Variants in MYO15A observed in about 807,000 individuals in gnomAD.
MYO15A encodes unconventional myosin-XV.
A neutral mutation model predicts 394.6 loss-of-function variants in MYO15A; 308 were observed. The observed-to-expected ratio is 0.78, with a 90% CI of 0.71 to 0.86. The LOEUF (loss-of-function observed/expected upper bound fraction) is 0.86. Ranked by LOEUF, MYO15A falls within the 40% of genes least tolerant of loss-of-function variation. The probability of loss-of-function intolerance (pLI) is 0.00; values close to 1 mark genes in which losing one functional copy is unlikely to be tolerated. For synonymous variants in MYO15A, 1,957 were observed against 2,003.8 expected (o/e 0.98, Z 0.62); for missense variants, 4,606 against 4,799.1 (o/e 0.96, Z 1.19).
At chr17:18,133,486 A>G (rs2046207047) in intron 12 of MYO15A, 100 bp downstream of exon 12, 2 of 1,444,542 alleles carry the variant, frequency 1.4e-6, no homozygotes. Flanking sequence ...CACTATGCAC[A>G]TATCACTTGT....
At chr17:18,124,759 C>T in intron 3 of MYO15A, 194 bp downstream of exon 3, 1 of 618,164 alleles carries the variant, frequency 1.6e-6, no homozygotes, top group South Asian at 2.0e-5. Flanking sequence ...CTAGCCCCAC[C>T]ACTCACCAGC....
In MYO15A at chr17:18,126,431, G is replaced by C; in HGVS notation, c.3841G>C (p.Gly1281Arg). The change falls in exon 5 of 66, where the codon GGA (glycine) becomes CGA (arginine). Residue 1281 changes from glycine to arginine, a missense_variant. Around this residue, in one of 2 missense-constraint regions of MYO15A, gnomAD observed 2,776 missense variants for 3,109.3 expected, o/e 0.89. Coordinates refer to ENST00000647165, the MANE Select transcript of MYO15A (RefSeq NM_016239.4). Reference protein sequence around the residue: ...YGPEQVQQYNGRALGENPPHL... With the variant: ...YGPEQVQQYNRRALGENPPHL... ...GCCGGAGCAGGTGCAGCAGTACAACGGACGGGCCCTGGGAGAGAATCCCCC... is the reference window on the plus strand; with the variant it reads ...GCCGGAGCAGGTGCAGCAGTACAACCGACGGGCCCTGGGAGAGAATCCCCC... The C allele has an allele frequency of 1.2e-6, 2 of 1,613,958 alleles. No individual in the cohort carries two copies. The highest frequency in any genetic ancestry group is 2.2e-5 in the South Asian group (2 of 91,074).
At chr17:18,157,974 T>C (rs2046709653) in intron 51 of MYO15A, 74 bp downstream of exon 51, 2 of 1,432,012 alleles carry the variant, frequency 1.4e-6, no homozygotes, top group Admixed American at 2.8e-5. Context: ...GTGAGGCGAG[T>C]GGGGATAAGG....
intron 13 of MYO15A, among the ~76,000 whole-genome samples, 172 bp downstream of exon 13, chr17:18,135,996 TCA>T (rs1196444861): frequency 6.6e-6 from 1 of 152,198 alleles, no homozygotes; most frequent in African/African-American, 2.4e-5. Flanking sequence ...GATTCCAGTC[TCA>T]GACTGTTGCA....
intron 23 of MYO15A, 37 bp downstream of exon 23, chr17:18,141,807 A>G (rs988510261): frequency 6.3e-7 from 1 of 1,598,280 alleles, no homozygotes; most frequent in African/African-American, 1.3e-5. Flanking sequence ...TGGAGACCCC[A>G]AGTTTGGGGG....
intron 24 of MYO15A, 117 bp from the exon 25 acceptor site, chr17:18,142,639 C>G: frequency 2.3e-6 from 2 of 883,970 alleles, no homozygotes; most frequent in Non-Finnish European, 3.7e-6. Flanking sequence ...CCAAAGGACC[C>G]CAAAAGTGAG....
In MYO15A at chr17:18,121,922, C is replaced by T. The variant is rs200587502; in HGVS notation, c.3122C>T (p.Pro1041Leu). The T allele has an allele frequency of 6.2e-6, 10 of 1,613,276 alleles. No individual in the cohort carries two copies. The highest frequency in any genetic ancestry group is 3.3e-5 in the South Asian group (3 of 91,092). ...GCACCTCCCAAGGATGTCACTCCCC[C>T]CAAGGATATCACTCCCCCCAAGGAT... ...TPAPPKDVTP[P>L]KDITPPKDVL... The change falls in exon 2 of 66, where the codon CCC becomes CTC. Residue 1041 changes from proline (P) to leucine (L), a missense_variant. Pro to Leu is a moderately conservative substitution (Grantham distance 98). Coordinates refer to ENST00000647165, the MANE Select transcript of MYO15A (RefSeq NM_016239.4). The surrounding 1 kb of genome is among the most constrained non-coding windows in gnomAD (Gnocchi z 5.3).
rs766439265 is a variant in MYO15A at position 18,157,732 on chromosome 17, C to T, written c.8799C>T (p.Phe2933=). ...RRRGPDFGWR[F]GTIHGRVGRF... ...TTTACCCACCCCTAGGCTGGAGGTT[C>T]GGGACCATCCACGGGCGCGTGGGCC... The change falls in exon 51 of 66, where the codon TTC becomes TTT. Residue 2933 remains phenylalanine (F), a synonymous_variant. Transcript: ENST00000647165. The T allele has an allele frequency of 1.9e-6, 3 of 1,606,208 alleles. No homozygotes were observed. The highest frequency in any genetic ancestry group is 1.1e-5 in the South Asian group (1 of 91,082).
intron 47 of MYO15A, 34 bp from the exon 48 acceptor site, chr17:18,156,161 G>A (rs1405417204): frequency 1.2e-6 from 2 of 1,613,706 alleles, no homozygotes; most frequent in African/African-American, 2.7e-5. Flanking sequence ...GCATCCCTCT[G>A]GCAGGGGAGT....
chr17:18,110,307 A>G (rs2045706020), intron 1 of MYO15A: 1 of 152,154 alleles, frequency 6.6e-6, no homozygotes, highest in Non-Finnish European at 1.5e-5. Flanking sequence ...TCTTTTCCAC[A>G]TGGCAGCCCG....
chr17:18,164,074 C>A, intron 60 of MYO15A: 1 of 571,364 alleles, frequency 1.8e-6, no homozygotes, highest in Non-Finnish European at 3.2e-6. Context: ...TCTCATCCCT[C>A]CCTTTGTCCC....
rs1173040173 is a variant in MYO15A, at chr17:18,179,010, C to G, written c.*140C>G. 1 of 819,344 alleles carries G rather than the reference C, an allele frequency of 1.2e-6. No homozygotes were observed. The highest frequency in any genetic ancestry group is 1.7e-5 in the African/African-American group (1 of 58,996). The allele number at this position is 819,344 out of a possible 1,614,324, so 50.8% of individuals were successfully genotyped here. ...CACTAAGAGGAGGCAGGAGGAGCAA[C>G]TCAAATCCCCAAGAACACAAGAAGA... On this transcript the variant is annotated 3_prime_UTR_variant, in exon 66 of 66. Coordinates refer to ENST00000647165, the MANE Select transcript of MYO15A (RefSeq NM_016239.4).
intron 61 of MYO15A, among the ~76,000 whole-genome samples, chr17:18,166,907 T>C (rs531643626): frequency 2.1e-4 from 32 of 152,338 alleles, no homozygotes; most frequent in African/African-American, 7.5e-4. Context: ...GTCATTTTTG[T>C]CTGTGTGTTA....
At chr17:18,124,881 A>G (rs2046004495) in intron 3 of MYO15A, 1 of 587,328 alleles carries the variant, frequency 1.7e-6, no homozygotes, top group East Asian at 2.9e-5. Context: ...TACTCAAAAC[A>G]TGAGGGCCGT....
At chr17:18,169,199 C>T (rs1204564459) in intron 62 of MYO15A, among the ~76,000 whole-genome samples, 3 of 150,230 alleles carry the variant, frequency 2.0e-5, no homozygotes, top group Non-Finnish European at 4.4e-5. Flanking sequence ...GTAATCCCAG[C>T]ACTTTGGGAG....
rs1320593983 is a variant in MYO15A at position 18,167,640 on chromosome 17, G to A, written c.9999G>A (p.Arg3333=). 1 of 1,604,038 alleles carries A rather than the reference G, an allele frequency of 6.2e-7. No individual in the cohort carries two copies. The part of the protein sequence containing the change: ...KGLFSSVPAS[R]PSEQLLQQVS... ...TCTTCAGCAGTGTGCCGGCCAGCCG[G>A]CCCAGCGAGCAGCTGCTGCAGCAGG... Residue 3333 remains arginine, a synonymous_variant, in exon 62 of 66, where the codon CGG becomes CGA. Transcript: ENST00000647165.
chr17:18,154,297 C>A, intron 44 of MYO15A, 107 bp downstream of exon 44: 1 of 1,354,214 alleles, frequency 7.4e-7, no homozygotes. Context: ...ATTTGGGGTC[C>A]TTGACAGGGG....
chr17:18,124,732 G>T, intron 3 of MYO15A, 167 bp downstream of exon 3: 1 of 692,756 alleles, frequency 1.4e-6, no homozygotes, highest in Non-Finnish European at 2.4e-6. Flanking sequence ...TGAGTTAGAC[G>T]GACTTTGGTT....
At chr17:18,140,331 G>A in intron 19 of MYO15A, 186 bp from the exon 20 acceptor site, 1 of 793,128 alleles carries the variant, frequency 1.3e-6, no homozygotes, top group Non-Finnish European at 2.1e-6. Flanking sequence ...TCCCTTGGAA[G>A]ATGCTGAGCC....
Sources: allele counts gnomAD v4.1 joint callset (sites outside exome capture counted in the v4.1 genomes callset), GRCh38; gene constraint gnomAD v4.1.1; regional missense constraint gnomAD v4.1.1; non-coding constraint Gnocchi (gnomAD v3.1); transcripts MANE v1.5; gene names NCBI Gene and HGNC (gene_info 2026-07-23, HGNC 2026-07-21).